COL27A1: variants seen among roughly 807,000 people sequenced by gnomAD.
The protein encoded by COL27A1 is collagen alpha-1(XXVII) chain.
In COL27A1, 106 loss-of-function variants were observed where a neutral mutation model predicts 251.3. The observed-to-expected ratio is 0.42, with a 90% CI of 0.36 to 0.50. The LOEUF is 0.50. Ranked by LOEUF, COL27A1 falls within the 20% of genes least tolerant of loss-of-function variation. The pLI, the probability that COL27A1 is intolerant of heterozygous loss-of-function variation, is 0.00. For synonymous variants in COL27A1, 1,000 were observed against 986.3 expected (o/e 1.01, Z -0.26); for missense variants, 2,325 against 2,522.8 (o/e 0.92, Z 1.68).
At chr9:114,173,793 TGGG>T (rs1174635003) in intron 3 of COL27A1, among the ~76,000 whole-genome samples, 1 of 151,902 alleles carries the variant, frequency 6.6e-6, no homozygotes, top group Non-Finnish European at 1.5e-5. Context: ...GGTGTTGAGG[TGGG>T]GACTTTGGTG....
At chr9:114,274,705 A>G (rs182402645) in intron 36 of COL27A1, among the ~76,000 whole-genome samples, 2 of 152,318 alleles carry the variant, frequency 1.3e-5, no homozygotes, top group Admixed American at 1.3e-4. Flanking sequence ...CCAGCAGTCC[A>G]GTGGGATTGT....
At position 114,288,458 on chromosome 9, in the gene COL27A1, G is replaced by A. The variant is rs772342902; in HGVS notation, c.3991G>A (p.Glu1331Lys). The A allele has an allele frequency of 3.1e-6, 5 of 1,610,044 alleles. No homozygotes were observed. The highest frequency in any genetic ancestry group is 2.2e-5 in the East Asian group (1 of 44,778). The change falls in exon 42 of 61, where the codon GAG (glutamate) becomes AAG (lysine). Residue 1331 changes from glutamate (E) to lysine (K), a missense_variant. Physicochemically the swap from Glu to Lys is moderately conservative, Grantham distance 56 (BLOSUM62 1). Around this residue, in one of 4 missense-constraint regions of COL27A1, gnomAD observed 662 missense variants for 795.3 expected, o/e 0.83. Transcript: ENST00000356083. ...GPPGPKGEKG[E>K]QGEDGKAEGP... ...AAAGCTGGTTCTGTGTCCACAGGGG[G>A]AGCAGGGCGAGGACGGCAAGGCTGA...
chr9:114,179,488 C>G (rs1269611439), intron 4 of COL27A1, among the ~76,000 whole-genome samples: 1 of 152,242 alleles, frequency 6.6e-6, no homozygotes, highest in Non-Finnish European at 1.5e-5. Context: ...GGCTGTCCTC[C>G]TTTGTAAACT....
intron 44 of COL27A1, 36 bp downstream of exon 44, chr9:114,289,003 C>T (rs769767508): frequency 1.9e-6 from 3 of 1,611,000 alleles, no homozygotes; most frequent in Non-Finnish European, 2.5e-6. Flanking sequence ...CTGCCTCCCA[C>T]CCTGAGTGGG....
intron 2 of COL27A1, among the ~76,000 whole-genome samples, chr9:114,163,984 C>G (rs1482411183): frequency 6.6e-6 from 1 of 152,152 alleles, no homozygotes; most frequent in African/African-American, 2.4e-5. Context: ...TGTCCCCCAT[C>G]TCTTCACCCT....
intron 37 of COL27A1, among the ~76,000 whole-genome samples, chr9:114,280,060 G>C (rs1223439842): frequency 6.6e-6 from 1 of 152,052 alleles, no homozygotes; most frequent in African/African-American, 2.4e-5. Context: ...CCTGATCCGT[G>C]TTTAGATTTT....
At chr9:114,164,687 C>T (rs1026526065) in intron 2 of COL27A1, among the ~76,000 whole-genome samples, 13 of 152,200 alleles carry the variant, frequency 8.5e-5, no homozygotes, top group South Asian at 2.1e-4. Flanking sequence ...CCAAATGGCT[C>T]CTCCCATTCT....
At chr9:114,257,191 G>A (rs953026006) in intron 27 of COL27A1, among the ~76,000 whole-genome samples, 9 of 152,342 alleles carry the variant, frequency 5.9e-5, no homozygotes, top group South Asian at 2.1e-4. Context: ...ATGGGGCTGG[G>A]CCTCTCCCTG....
At chr9:114,275,369 T>A (rs1163515867) in intron 36 of COL27A1, among the ~76,000 whole-genome samples, 1 of 152,096 alleles carries the variant, frequency 6.6e-6, no homozygotes, top group African/African-American at 2.4e-5. Context: ...GTGGGTGCAG[T>A]CAGGACCCCG....
chr9:114,198,951 C>T (rs1305166681), intron 7 of COL27A1, among the ~76,000 whole-genome samples: 1 of 152,126 alleles, frequency 6.6e-6, no homozygotes, highest in African/African-American at 2.4e-5. Flanking sequence ...AGGGCTGGCA[C>T]ACGGCTGGCA....
At chr9:114,189,207 A>G (rs1380765774) in intron 5 of COL27A1, among the ~76,000 whole-genome samples, 4 of 152,216 alleles carry the variant, frequency 2.6e-5, no homozygotes, top group Non-Finnish European at 5.9e-5. Context: ...GTACTCTTAA[A>G]AAATTAAAAC....
intron 34 of COL27A1, among the ~76,000 whole-genome samples, chr9:114,268,436 G>C (rs1254016062): frequency 6.6e-6 from 1 of 152,204 alleles, no homozygotes; most frequent in Non-Finnish European, 1.5e-5. Context: ...GACCCTTTTA[G>C]GGCCTTTATG....
In COL27A1 at chr9:114,310,804, G is replaced by A; in HGVS notation, c.*109G>A. 2 of 1,202,302 alleles carry A rather than the reference G, an allele frequency of 1.7e-6. No homozygotes were observed. The highest frequency in any genetic ancestry group is 2.4e-6 in the Non-Finnish European group (2 of 850,222). The allele number at this position is 1,202,302 out of a possible 1,614,324, so 74.5% of individuals were successfully genotyped here. ...CAGGAGAGGCAGCTCCCCTGCCCAAGGGTCCTTGGGCAGACCCCAGCTGTT... is the reference window on the plus strand; with the variant it reads ...CAGGAGAGGCAGCTCCCCTGCCCAAAGGTCCTTGGGCAGACCCCAGCTGTT... On this transcript the variant is annotated 3_prime_UTR_variant, in exon 61 of 61. Transcript: ENST00000356083.
intron 5 of COL27A1, among the ~76,000 whole-genome samples, chr9:114,191,474 T>A (rs1173837342): frequency 1.3e-5 from 2 of 152,094 alleles, no homozygotes; most frequent in Non-Finnish European, 2.9e-5. Flanking sequence ...AGTGCGTCCA[T>A]GTGTTCTCAT....
chr9:114,294,792 C>T (rs1828153796), intron 49 of COL27A1, among the ~76,000 whole-genome samples: 1 of 152,230 alleles, frequency 6.6e-6, no homozygotes, highest in East Asian at 1.9e-4. Flanking sequence ...TCAAGGATAT[C>T]TGTTCTCACC....
chr9:114,237,525 C>T, intron 18 of COL27A1, 137 bp from the exon 19 acceptor site: 1 of 731,818 alleles, frequency 1.4e-6, no homozygotes, highest in South Asian at 1.6e-5. Flanking sequence ...AATGGTAGCT[C>T]CTTCTAGTTG....
chr9:114,292,606 T>C (rs1653681003), intron 49 of COL27A1, among the ~76,000 whole-genome samples: 1 of 152,086 alleles, frequency 6.6e-6, no homozygotes, highest in Non-Finnish European at 1.5e-5. Context: ...ACAGGGCAAA[T>C]AGAAAACACA....
At chr9:114,176,148 C>G (rs1270475591) in intron 3 of COL27A1, among the ~76,000 whole-genome samples, 1 of 152,174 alleles carries the variant, frequency 6.6e-6, no homozygotes, top group African/African-American at 2.4e-5. Flanking sequence ...CCTCTCTGAA[C>G]CTCTCTCTGG....
chr9:114,309,147 A>G, intron 59 of COL27A1, 113 bp from the exon 60 acceptor site: 1 of 852,658 alleles, frequency 1.2e-6, no homozygotes. Context: ...ATATCAGGAA[A>G]TGCTTGCCAG....
Sources: allele counts gnomAD v4.1 joint callset (sites outside exome capture counted in the v4.1 genomes callset), GRCh38; gene constraint gnomAD v4.1.1; regional missense constraint gnomAD v4.1.1; transcripts MANE v1.5; gene names NCBI Gene and HGNC (gene_info 2026-07-23, HGNC 2026-07-21).